The following FRMD4A variants were observed in gnomAD, a reference collection of about 807,000 sequenced individuals.
FRMD4A encodes FERM domain containing 4A.
A neutral mutation model predicts 129.1 loss-of-function variants in FRMD4A; 29 were observed. That is an observed-to-expected ratio of 0.22 (90% CI 0.17 to 0.31). The LOEUF is 0.31. FRMD4A is among the 10% of genes least tolerant of loss of function. The pLI is 1.00. For missense variants in FRMD4A, 1,272 were observed against 1,375.8 expected, an observed-to-expected ratio of 0.92 and a Z score of 1.19; for synonymous variants, 634 against 571.6, an observed-to-expected ratio of 1.11 and a Z score of -1.56.
Position 14,206,672 on chromosome 10 carries a change from TG to T in FRMD4A, c.45+123385del, listed in dbSNP as rs544687177. Among the ~76,000 whole-genome samples the T allele has an allele frequency of 2.1e-3, 316 of 151,658 alleles. 1 individual carries two copies. The highest frequency in any genetic ancestry group is 7.5e-3 in the African/African-American group (309 of 41,380). On this transcript the variant is annotated intron_variant, in intron 2 of 24. Coordinates refer to ENST00000357447, the MANE Select transcript of FRMD4A (RefSeq NM_018027.5). ...ACAAAAAAAAATTAGCCGGGCGTGG[TG>T]GCATGCTCCTGTAATCCCAGCTACT...
chr10:13,853,860 A>G (rs1456168527), intron 3 of FRMD4A, among the ~76,000 whole-genome samples: 3 of 151,688 alleles, frequency 2.0e-5, no homozygotes, highest in Non-Finnish European at 4.4e-5. Context: ...AAAACCCAAA[A>G]AGTGGGGATG....
intron 6 of FRMD4A, among the ~76,000 whole-genome samples, chr10:13,779,996 G>A (rs909338100): frequency 2.0e-5 from 3 of 152,108 alleles, no homozygotes; most frequent in African/African-American, 7.2e-5. Context: ...TGTGCATGCC[G>A]GGGGTAGCCA....
At chr10:14,221,822 T>A (rs1446094221) in intron 2 of FRMD4A, among the ~76,000 whole-genome samples, 1 of 152,150 alleles carries the variant, frequency 6.6e-6, no homozygotes, top group African/African-American at 2.4e-5. Context: ...CCCAAAGTGC[T>A]GGGGTTACAG....
chr10:13,756,584 C>A (rs777723473), intron 8 of FRMD4A, among the ~76,000 whole-genome samples: 1 of 152,130 alleles, frequency 6.6e-6, no homozygotes, highest in African/African-American at 2.4e-5. Context: ...TGGCTGGTCT[C>A]GAACTCCTGG....
intron 20 of FRMD4A, among the ~76,000 whole-genome samples, chr10:13,659,782 T>G (rs2082483642): frequency 1.3e-5 from 2 of 152,018 alleles, no homozygotes; most frequent in Admixed American, 1.3e-4. Flanking sequence ...AATATTTACC[T>G]GTCCTGGCAC....
At chr10:13,765,784 GA>G (rs1262346912) in intron 6 of FRMD4A, among the ~76,000 whole-genome samples, 1 of 152,184 alleles carries the variant, frequency 6.6e-6, no homozygotes, top group African/African-American at 2.4e-5. Context: ...ACAGTGTACA[GA>G]TGGCTTCACA....
At position 14,250,313 on chromosome 10, in the gene FRMD4A, G is replaced by A. The variant is rs563255684; in HGVS notation, c.45+79745C>T. The stretch of plus-strand genomic sequence containing the variant: ...CATAAAAACTGTGCCCATTTCAAAG[G>A]AATAACTTCAACAATGAGAATTTGG... On this transcript the variant is annotated intron_variant, in intron 2 of 24. Transcript: ENST00000357447. Among the ~76,000 whole-genome samples, 4 of 152,252 alleles carry A rather than the reference G, an allele frequency of 2.6e-5. No individual in the cohort carries two copies. The East Asian group carries it at 5.8e-4, about 22-fold the overall frequency.
intron 2 of FRMD4A, among the ~76,000 whole-genome samples, chr10:14,108,031 T>C (rs1012708205): frequency 4.6e-5 from 7 of 152,222 alleles, no homozygotes; most frequent in Non-Finnish European, 8.8e-5. Context: ...CAAATTCCCT[T>C]TCATAGAAGC....
rs565002776 is a variant in FRMD4A, at chr10:14,037,407, G to A, written c.46-178495C>T. Among the ~76,000 whole-genome samples the A allele has an allele frequency of 9.9e-5, 15 of 152,194 alleles. No homozygotes were observed. In the East Asian group the frequency reaches 2.7e-3, roughly 27 times the overall value. The stretch of plus-strand genomic sequence containing the variant: ...TAATTTTTGTATTTTTAGTAGAGAC[G>A]GGGGTTTGCCATGTTGGCCAGGCTG... On this transcript the variant is annotated intron_variant, in intron 2 of 24. Coordinates refer to ENST00000357447, the MANE Select transcript of FRMD4A (RefSeq NM_018027.5).
chr10:14,269,793 G>A (rs1845099881), intron 2 of FRMD4A, among the ~76,000 whole-genome samples: 1 of 152,166 alleles, frequency 6.6e-6, no homozygotes, highest in South Asian at 2.1e-4. Context: ...TGGTAATTAA[G>A]GGAATTAATT....
chr10:14,183,736 A>C (rs990759670), intron 2 of FRMD4A, among the ~76,000 whole-genome samples: 3 of 152,182 alleles, frequency 2.0e-5, no homozygotes, highest in Non-Finnish European at 4.4e-5. Flanking sequence ...TAAAAGCAAA[A>C]CTACTGTCTT....
chr10:14,324,550 T>C (rs925822119), intron 2 of FRMD4A, among the ~76,000 whole-genome samples: 2 of 152,264 alleles, frequency 1.3e-5, no homozygotes, highest in Admixed American at 6.5e-5. Flanking sequence ...ACTGTATTAC[T>C]ATGTAATTAT....
intron 2 of FRMD4A, among the ~76,000 whole-genome samples, chr10:14,105,228 G>T (rs994974867): frequency 6.6e-6 from 1 of 152,088 alleles, no homozygotes; most frequent in African/African-American, 2.4e-5. Flanking sequence ...TAAATTTATT[G>T]TCATTTATAA....
chr10:13,944,885 T>C (rs1337454527), intron 2 of FRMD4A, among the ~76,000 whole-genome samples: 1 of 152,226 alleles, frequency 6.6e-6, no homozygotes, highest in Non-Finnish European at 1.5e-5. Flanking sequence ...TAGCTGAGTC[T>C]TTGCCAGACA....
At chr10:14,128,100 C>CTTTCT (rs1554766375) in intron 2 of FRMD4A, among the ~76,000 whole-genome samples, 863 of 34,182 alleles carry the variant, frequency 0.025, 31 homozygotes, top group East Asian at 0.06. Flanking sequence ...TTCTTTCTTT[C>CTTTCT]TTTCTTTTCT....
intron 2 of FRMD4A, among the ~76,000 whole-genome samples, chr10:13,944,167 G>T (rs971015939): frequency 1.9e-4 from 29 of 152,186 alleles, no homozygotes; most frequent in Non-Finnish European, 3.4e-4. Flanking sequence ...TGCACAGCAG[G>T]AGGCGAGCCG....
At chr10:13,998,964 C>G (rs1050275981) in intron 2 of FRMD4A, among the ~76,000 whole-genome samples, 16 of 152,136 alleles carry the variant, frequency 1.1e-4, no homozygotes, top group African/African-American at 3.6e-4. Context: ...CCTGTGCCAG[C>G]TGGGCTCCTA....
intron 4 of FRMD4A, among the ~76,000 whole-genome samples, chr10:13,800,145 GC>G (rs2093221311): frequency 6.6e-6 from 1 of 152,162 alleles, no homozygotes; most frequent in African/African-American, 2.4e-5. Flanking sequence ...TGGCACTACT[GC>G]ACTCCAGCCT....
At chr10:14,017,438 C>T (rs775583940) in intron 2 of FRMD4A, among the ~76,000 whole-genome samples, 4 of 152,250 alleles carry the variant, frequency 2.6e-5, no homozygotes, top group Admixed American at 2.0e-4. Flanking sequence ...GCCCAGGATT[C>T]GCTGAATATA....
Sources: allele counts gnomAD v4.1 joint callset (sites outside exome capture counted in the v4.1 genomes callset), GRCh38; gene constraint gnomAD v4.1.1; transcripts MANE v1.5; gene names NCBI Gene and HGNC (gene_info 2026-07-23, HGNC 2026-07-21).